Variants in SNTB2 observed in about 807,000 individuals in gnomAD.
SNTB2 encodes the protein beta-2-syntrophin.
A neutral mutation model predicts 46.2 loss-of-function variants in SNTB2; 34 were observed. The observed-to-expected ratio is 0.74, with a 90% CI of 0.56 to 0.98. SNTB2 has a LOEUF of 0.98. SNTB2 is among the 50% of genes least tolerant of loss of function. The pLI is 0.00. For missense variants in SNTB2, 603 were observed against 731.4 expected, an observed-to-expected ratio of 0.82 and a Z score of 2.02; for synonymous variants, 290 against 312.6, an observed-to-expected ratio of 0.93 and a Z score of 0.76.
rs1390608610 is a variant in SNTB2 at position 69,302,555 on chromosome 16, A to C, written c.*1631A>C. On this transcript the variant is annotated 3_prime_UTR_variant, in exon 7 of 7. Transcript: ENST00000336278. ...AGAGAAAAACACACCTGTGTGCAAA[A>C]TGAGCTATTTGGTTTCAGTGCGGCC... 1 of 152,226 alleles carries C rather than the reference A, an allele frequency of 6.6e-6. No homozygotes were observed. The highest frequency in any genetic ancestry group is 1.5e-5 in the Non-Finnish European group (1 of 68,072). The allele number at this position is 152,226 out of a possible 1,614,324, so 9.4% of individuals were successfully genotyped here.
chr16:69,191,748 C>T (rs1039390782), intron 1 of SNTB2, among the ~76,000 whole-genome samples: 1 of 151,950 alleles, frequency 6.6e-6, no homozygotes, highest in Non-Finnish European at 1.5e-5. Flanking sequence ...TCACGCCATT[C>T]TGCTGCCTCA....
intron 1 of SNTB2, 141 bp downstream of exon 1, chr16:69,187,887 T>C: frequency 2.9e-6 from 2 of 694,722 alleles, no homozygotes. Context: ...GCTTTCAGTG[T>C]GGAAAAACGG....
intron 4 of SNTB2, among the ~76,000 whole-genome samples, chr16:69,271,794 A>T (rs1418638126): frequency 6.6e-6 from 1 of 152,234 alleles, no homozygotes; most frequent in African/African-American, 2.4e-5. Flanking sequence ...ACCTGGAAGC[A>T]TGAAGCAGAA....
chr16:69,248,796 CA>C (rs1037686288), intron 2 of SNTB2, among the ~76,000 whole-genome samples: 3 of 123,538 alleles, frequency 2.4e-5, no homozygotes, highest in East Asian at 2.3e-4. Context: ...CCTATCTCTA[CA>C]AAAAAAAAGA....
chr16:69,201,621 G>C (rs1964162115), intron 1 of SNTB2, among the ~76,000 whole-genome samples: 1 of 152,096 alleles, frequency 6.6e-6, no homozygotes, highest in Admixed American at 6.6e-5. Context: ...CAGCTGAAAG[G>C]AATGTTAATT....
chr16:69,216,891 C>T (rs1964352394), intron 1 of SNTB2, among the ~76,000 whole-genome samples: 1 of 152,204 alleles, frequency 6.6e-6, no homozygotes, highest in Admixed American at 6.5e-5. Context: ...CTTCCCCTGT[C>T]ATTGCTGCAA....
At chr16:69,225,136 GGA>G (rs889926829) in intron 1 of SNTB2, among the ~76,000 whole-genome samples, 7 of 152,158 alleles carry the variant, frequency 4.6e-5, no homozygotes, top group African/African-American at 1.7e-4. Flanking sequence ...GTAACTTACA[GGA>G]TTTCTTTTAT....
At chr16:69,239,938 C>A (rs1054024393) in intron 1 of SNTB2, among the ~76,000 whole-genome samples, 2 of 152,116 alleles carry the variant, frequency 1.3e-5, no homozygotes, top group Admixed American at 6.6e-5. Context: ...CAGATTCATC[C>A]AAGTTACTGA....
At chr16:69,204,008 T>G (rs1964190628) in intron 1 of SNTB2, among the ~76,000 whole-genome samples, 1 of 152,232 alleles carries the variant, frequency 6.6e-6, no homozygotes, top group East Asian at 1.9e-4. Flanking sequence ...TTCTCCTGCC[T>G]CAGCCTCCCA....
chr16:69,235,952 A>C (rs2152295574), intron 1 of SNTB2: 1 of 911,732 alleles, frequency 1.1e-6, no homozygotes, highest in South Asian at 1.8e-5. Flanking sequence ...GTAAGCTCCC[A>C]TTACTTTCGC....
chr16:69,199,620 TTTTCTC>T (rs1567394988), intron 1 of SNTB2, among the ~76,000 whole-genome samples: 1 of 114,880 alleles, frequency 8.7e-6, no homozygotes, highest in African/African-American at 3.6e-5. Flanking sequence ...AAGGCGATCT[TTTTCTC>T]TTAAGCGCAG....
chr16:69,283,864 A>C (rs1965073727), intron 4 of SNTB2, among the ~76,000 whole-genome samples, 184 bp from the exon 5 acceptor site: 1 of 152,128 alleles, frequency 6.6e-6, no homozygotes. Context: ...CTGTGATACC[A>C]GGGGTCATTT....
intron 4 of SNTB2, among the ~76,000 whole-genome samples, chr16:69,270,569 T>C (rs1215802536): frequency 2.6e-5 from 4 of 152,204 alleles, no homozygotes; most frequent in African/African-American, 4.8e-5. Flanking sequence ...ATGAAGATTA[T>C]AGGGTTTTTT....
At chr16:69,208,238 C>G (rs1964244134) in intron 1 of SNTB2, among the ~76,000 whole-genome samples, 1 of 151,610 alleles carries the variant, frequency 6.6e-6, no homozygotes, top group Non-Finnish European at 1.5e-5. Context: ...GAAACCCTGT[C>G]TCTACTAAAA....
At position 69,302,028 on chromosome 16, in the gene SNTB2, C is replaced by T; in HGVS notation, c.*1104C>T. On this transcript the variant is annotated 3_prime_UTR_variant, in exon 7 of 7. Coordinates refer to ENST00000336278, the MANE Select transcript of SNTB2 (RefSeq NM_006750.4). ...AAACGTCATGTTGAATTGTTTTGGG[C>T]TGCCCAAAAACAACAGGATGCAGCA... 6.6e-6 allele frequency: 1 copy of T among 152,224 alleles called. No homozygotes were observed. 9.4% of individuals were successfully genotyped at this position (152,224 alleles called of 1,614,324 possible).
intron 5 of SNTB2, among the ~76,000 whole-genome samples, chr16:69,288,606 T>C (rs1965129165): frequency 6.6e-6 from 1 of 152,170 alleles, no homozygotes; most frequent in Admixed American, 6.5e-5. Flanking sequence ...TAAATCAGTA[T>C]AGCCATTACG....
chr16:69,297,306 C>CAA (rs60543622), intron 5 of SNTB2, among the ~76,000 whole-genome samples: 8 of 45,730 alleles, frequency 1.7e-4, no homozygotes, highest in African/African-American at 3.9e-4. Context: ...GATTCTATCT[C>CAA]AAAAAAAAAA....
At chr16:69,222,813 C>T (rs1184506756) in intron 1 of SNTB2, among the ~76,000 whole-genome samples, 2 of 151,928 alleles carry the variant, frequency 1.3e-5, no homozygotes, top group Non-Finnish European at 2.9e-5. Context: ...GGAGTTTTTG[C>T]TCTTGTTGCC....
chr16:69,253,590 A>G (rs1964745681), intron 2 of SNTB2, among the ~76,000 whole-genome samples: 1 of 152,144 alleles, frequency 6.6e-6, no homozygotes, highest in Non-Finnish European at 1.5e-5. Context: ...CGGAGCTTGC[A>G]TTGAGCCAAG....
Sources: allele counts gnomAD v4.1 joint callset (sites outside exome capture counted in the v4.1 genomes callset), GRCh38; gene constraint gnomAD v4.1.1; transcripts MANE v1.5; gene names NCBI Gene and HGNC (gene_info 2026-07-23, HGNC 2026-07-21).